The following PRKN variants were observed in gnomAD, a reference collection of about 807,000 sequenced individuals.
PRKN encodes the protein E3 ubiquitin-protein ligase parkin.
A neutral mutation model predicts 59.5 loss-of-function variants in PRKN; 56 were observed. The ratio of observed to expected loss-of-function variants is 0.94; its 90% CI spans 0.76 to 1.18. The LOEUF is 1.18. PRKN is among the 50% of genes most tolerant of loss of function. PRKN has a pLI of 0.00. For missense variants in PRKN, 657 were observed against 596.4 expected, an observed-to-expected ratio of 1.10 and a Z score of -1.06; for synonymous variants, 250 against 222.1, an observed-to-expected ratio of 1.13 and a Z score of -1.12.
chr6:161,451,464 C>T lies in PRKN; in HGVS notation c.1084-64587G>A, dbSNP rs1016937635. Among the ~76,000 whole-genome samples the T allele has an allele frequency of 6.6e-6, 1 of 152,114 alleles. No individual in the cohort carries two copies. The highest frequency in any genetic ancestry group is 2.4e-5 in the African/African-American group (1 of 41,386). On this transcript the variant is annotated intron_variant, in intron 9 of 11. Transcript: ENST00000366898. This position sits in a 1 kb window ranked among gnomAD's most constrained non-coding sequence, Gnocchi z 5.9. ...TCACTACACTTCCATCAACAGACTC[C>T]ATCAACAGGAGGCAACGCAGCCTCA...
chr6:162,557,283 G>C (rs1187534396), intron 1 of PRKN, among the ~76,000 whole-genome samples: 1 of 152,182 alleles, frequency 6.6e-6, no homozygotes, highest in Non-Finnish European at 1.5e-5. Context: ...AGTCATTGCT[G>C]CTTGGTAGTC....
intron 2 of PRKN, among the ~76,000 whole-genome samples, chr6:162,325,730 T>C (rs1783238023): frequency 1.3e-5 from 2 of 152,230 alleles, no homozygotes; most frequent in South Asian, 4.1e-4. Context: ...GGGGAAATTA[T>C]TAGCATCATT....
At chr6:161,629,362 G>A (rs1024850513) in intron 7 of PRKN, among the ~76,000 whole-genome samples, 1 of 152,082 alleles carries the variant, frequency 6.6e-6, no homozygotes, top group Non-Finnish European at 1.5e-5. Context: ...GTGCAGTCAG[G>A]AGCGATTTCA....
rs1554262049 is a variant in PRKN, at chr6:161,445,829, C to CCTTCCCTTCT, written c.1084-58953_1084-58952insAGAAGGGAAG. Among the ~76,000 whole-genome samples, 1 of 151,926 alleles carries CCTTCCCTTCT rather than the reference C, an allele frequency of 6.6e-6. No individual in the cohort carries two copies. Among genetic ancestry groups the CCTTCCCTTCT allele is most frequent in the Admixed American group, 6.6e-5 (1 of 15,244 alleles). ...CCTTCCCTTCCCTTCCCTTCCCTTC[C>CCTTCCCTTCT]CTTCCCTATCGACAGCCTTGCAGGG... On this transcript the variant is annotated intron_variant, in intron 9 of 11. Coordinates refer to ENST00000366898, the MANE Select transcript of PRKN (RefSeq NM_004562.3). The surrounding 1 kb of genome is among the most constrained non-coding windows in gnomAD (Gnocchi z 7.7).
chr6:162,216,107 G>C (rs1777639253), intron 3 of PRKN, among the ~76,000 whole-genome samples: 1 of 152,168 alleles, frequency 6.6e-6, no homozygotes, highest in African/African-American at 2.4e-5. Context: ...CAAATGGACA[G>C]GATGGGGAAT....
chr6:162,493,761 C>T (rs1388554428), intron 1 of PRKN, among the ~76,000 whole-genome samples: 1 of 152,194 alleles, frequency 6.6e-6, no homozygotes, highest in Non-Finnish European at 1.5e-5. Flanking sequence ...CTGGTACACA[C>T]AGAGCCTAGA....
intron 2 of PRKN, among the ~76,000 whole-genome samples, chr6:162,407,289 A>G (rs1336442119): frequency 6.6e-6 from 1 of 152,204 alleles, no homozygotes; most frequent in Non-Finnish European, 1.5e-5. Context: ...GAAACTGTTC[A>G]CCAGCAGACC....
At chr6:162,503,114 C>T (rs1267189589) in intron 1 of PRKN, among the ~76,000 whole-genome samples, 1 of 147,894 alleles carries the variant, frequency 6.8e-6, no homozygotes, top group Non-Finnish European at 1.5e-5. Flanking sequence ...ATTTGGCACC[C>T]TACAGAAAAT....
At chr6:162,406,814 GA>G (rs1788098000) in intron 2 of PRKN, among the ~76,000 whole-genome samples, 2 of 152,200 alleles carry the variant, frequency 1.3e-5, no homozygotes, top group African/African-American at 4.8e-5. Flanking sequence ...TTCCTGATGG[GA>G]AGCTTTTCAG....
chr6:162,024,384 A>C (rs1384671162), intron 5 of PRKN, among the ~76,000 whole-genome samples: 1 of 151,848 alleles, frequency 6.6e-6, no homozygotes, highest in Non-Finnish European at 1.5e-5. Flanking sequence ...TTTAGTAGAG[A>C]CAGGGTTTTG....
At chr6:161,800,697 A>G (rs1054684483) in intron 6 of PRKN, among the ~76,000 whole-genome samples, 1 of 152,138 alleles carries the variant, frequency 6.6e-6, no homozygotes, top group Non-Finnish European at 1.5e-5. Context: ...GATATCTTCA[A>G]CAGGGGAGTG....
chr6:161,833,078 G>C (rs1284985908), intron 6 of PRKN, among the ~76,000 whole-genome samples: 1 of 152,146 alleles, frequency 6.6e-6, no homozygotes, highest in East Asian at 1.9e-4. Flanking sequence ...GTTCACTGTA[G>C]ACAATGCAAC....
At chr6:161,840,487 A>G (rs1792938545) in intron 6 of PRKN, among the ~76,000 whole-genome samples, 1 of 152,174 alleles carries the variant, frequency 6.6e-6, no homozygotes, top group African/African-American at 2.4e-5. Context: ...CAGGATGTGC[A>G]GGTTTGTTAC....
intron 6 of PRKN, among the ~76,000 whole-genome samples, chr6:161,925,445 C>A (rs1200317999): frequency 1.3e-5 from 2 of 152,098 alleles, no homozygotes; most frequent in African/African-American, 4.8e-5. Context: ...GTGGCGGGCG[C>A]CTGTGATCCC....
Position 161,497,605 on chromosome 6 carries a change from C to T in PRKN, c.1083+51249G>A, listed in dbSNP as rs980180581. Among the ~76,000 whole-genome samples the T allele has an allele frequency of 1.3e-5, 2 of 149,134 alleles. No homozygotes were observed. The highest frequency in any genetic ancestry group is 2.5e-5 in the African/African-American group (1 of 40,256). On this transcript the variant is annotated intron_variant, in intron 9 of 11. Coordinates refer to ENST00000366898, the MANE Select transcript of PRKN (RefSeq NM_004562.3). This position sits in a 1 kb window ranked among gnomAD's most constrained non-coding sequence, Gnocchi z 4.6. ...CACACACACACACACACACCATATC[C>T]CACTTACAGACTGAATACTTTGCAC...
intron 2 of PRKN, among the ~76,000 whole-genome samples, chr6:162,393,000 T>A (rs1330196131): frequency 1.3e-5 from 2 of 151,910 alleles, no homozygotes; most frequent in Non-Finnish European, 2.9e-5. Flanking sequence ...CATGCAGCAA[T>A]TCCATGATGC....
chr6:161,574,463 G>A (rs1187982456), intron 7 of PRKN, among the ~76,000 whole-genome samples: 1 of 152,026 alleles, frequency 6.6e-6, no homozygotes, highest in Non-Finnish European at 1.5e-5. Context: ...GTAAATCTGC[G>A]TTGACTCTTA....
intron 1 of PRKN, among the ~76,000 whole-genome samples, chr6:162,700,467 A>G (rs1354703393): frequency 6.6e-6 from 1 of 152,184 alleles, no homozygotes; most frequent in Non-Finnish European, 1.5e-5. Context: ...CAAACACTTC[A>G]ACATTCACAT....
At chr6:162,124,714 A>G (rs751654959) in intron 4 of PRKN, among the ~76,000 whole-genome samples, 1 of 152,188 alleles carries the variant, frequency 6.6e-6, no homozygotes, top group Admixed American at 6.5e-5. Context: ...GATTAAAAAT[A>G]AAGACTTGAG....
Sources: allele counts gnomAD v4.1 joint callset (sites outside exome capture counted in the v4.1 genomes callset), GRCh38; gene constraint gnomAD v4.1.1; non-coding constraint Gnocchi (gnomAD v3.1); transcripts MANE v1.5; gene names NCBI Gene and HGNC (gene_info 2026-07-23, HGNC 2026-07-21).